Variants in TULP4 observed in about 807,000 individuals in gnomAD.
The protein encoded by TULP4 is tubby-related protein 4.
In TULP4, 16 loss-of-function variants were observed where a neutral mutation model predicts 129.0. That is an observed-to-expected ratio of 0.12 (90% CI 0.08 to 0.19). The LOEUF is 0.19. Ranked by LOEUF, TULP4 falls within the 10% of genes least tolerant of loss-of-function variation. TULP4 has a pLI of 1.00. For synonymous variants in TULP4, 998 were observed against 854.0 expected (o/e 1.17, Z -2.94); for missense variants, 1,842 against 2,059.1 (o/e 0.89, Z 2.04).
intron 2 of TULP4, among the ~76,000 whole-genome samples, chr6:158,422,711 G>C (rs1468416771): frequency 6.6e-6 from 1 of 152,250 alleles, no homozygotes; most frequent in East Asian, 1.9e-4. Flanking sequence ...TATATGCAGA[G>C]GCTGAAGGAG....
At chr6:158,339,423 C>T (rs1780126348) in intron 1 of TULP4, among the ~76,000 whole-genome samples, 1 of 152,156 alleles carries the variant, frequency 6.6e-6, no homozygotes. Context: ...CGTTCAAGAG[C>T]AGAGAACCGG....
Position 158,413,259 on chromosome 6 carries a change from C to G in TULP4, c.381+66C>G. The G allele has an allele frequency of 6.5e-7, 1 of 1,531,670 alleles. No individual in the cohort carries two copies. Among genetic ancestry groups the G allele is most frequent in the Non-Finnish European group, 8.8e-7 (1 of 1,131,860 alleles). 94.9% of individuals were successfully genotyped at this position (1,531,670 alleles called of 1,614,324 possible). On this transcript the variant is annotated intron_variant, in intron 2 of 13. Coordinates refer to ENST00000367097, the MANE Select transcript of TULP4 (RefSeq NM_020245.5). The surrounding 1 kb of genome is among the most constrained non-coding windows in gnomAD (Gnocchi z 4.9). Reference sequence around the variant, plus strand: ...GTAGAGGACTCCCAGACAGGCATTCCGGAGCCAGTGCGTTAGCACCACACA... The same window carrying G: ...GTAGAGGACTCCCAGACAGGCATTCGGGAGCCAGTGCGTTAGCACCACACA...
chr6:158,333,644 T>C (rs1446615130), intron 1 of TULP4, among the ~76,000 whole-genome samples: 1 of 152,024 alleles, frequency 6.6e-6, no homozygotes, highest in African/African-American at 2.4e-5. Context: ...TTCAATAATA[T>C]ATTGGAACAA....
rs78207082 is a variant in TULP4 at position 158,284,078 on chromosome 6, A to G, written n.116+1700A>G. 3.7e-3 allele frequency among the ~76,000 whole-genome samples: 558 copies of G among 152,334 alleles called. 1 individual carries two copies. Among genetic ancestry groups the G allele is most frequent in the Middle Eastern group, 0.017 (5 of 294 alleles). ...CAGCAAACATCCGTTAAAAGTCTTT[A>G]TCAAAAGAAAGTGAGAAAAATCCAT... On this transcript the variant is annotated intron_variant and non_coding_transcript_variant, in intron 1 of 1. Transcript: ENST00000432358.
chr6:158,268,015 T>G (rs112639938), intron 1 of TULP4, among the ~76,000 whole-genome samples: 4 of 135,952 alleles, frequency 2.9e-5, no homozygotes, highest in African/African-American at 1.0e-4. Flanking sequence ...TTCTTTTCTT[T>G]TCTTTTCTTT....
intron 8 of TULP4, among the ~76,000 whole-genome samples, chr6:158,484,930 G>T (rs536941186): frequency 6.6e-6 from 1 of 152,260 alleles, no homozygotes; most frequent in Non-Finnish European, 1.5e-5. Flanking sequence ...CCAGGAAATG[G>T]GTATTGCTGT....
intron 1 of TULP4, among the ~76,000 whole-genome samples, chr6:158,286,394 G>GT (rs1401594148): frequency 3.3e-5 from 5 of 152,144 alleles, no homozygotes; most frequent in Non-Finnish European, 5.9e-5. Context: ...AATTATTTCT[G>GT]TGTTTCTTCT....
chr6:158,349,076 G>A (rs1305988841), intron 1 of TULP4, among the ~76,000 whole-genome samples: 8 of 112,104 alleles, frequency 7.1e-5, no homozygotes, highest in Middle Eastern at 5.2e-3. Flanking sequence ...CCAGGCAGAG[G>A]CGCTCCTCAC....
At chr6:158,492,261 G>A (rs902750631) in intron 9 of TULP4, among the ~76,000 whole-genome samples, 1 of 152,154 alleles carries the variant, frequency 6.6e-6, no homozygotes, top group Admixed American at 6.5e-5. Context: ...TCTGTGTCCT[G>A]TTCGGGATGT....
At chr6:158,368,257 TG>T (rs1309300797) in intron 1 of TULP4, among the ~76,000 whole-genome samples, 3 of 152,166 alleles carry the variant, frequency 2.0e-5, no homozygotes, top group Non-Finnish European at 4.4e-5. Flanking sequence ...TTATCATTAA[TG>T]GTAAAATGAT....
In TULP4 at chr6:158,502,550, G is replaced by C. The variant is rs1411050625; in HGVS notation, c.2887G>C (p.Glu963Gln). The part of the protein sequence containing the change: ...IPTGDPPPYP[E>Q]IASQLAQGRG... ...CACCGGGGACCCACCCCCGTATCCT[G>C]AAATTGCCAGCCAGCTGGCCCAGGG... is the stretch of plus-strand genomic sequence containing the variant. The change falls in exon 13 of 14, where the codon GAA becomes CAA. Residue 963 changes from glutamate (E) to glutamine (Q), a missense_variant. Transcript: ENST00000367097. 12 of 1,608,310 alleles carry C rather than the reference G, an allele frequency of 7.5e-6. No individual in the cohort carries two copies. The highest frequency in any genetic ancestry group is 1.0e-5 in the Non-Finnish European group (12 of 1,179,928).
chr6:158,264,298 C>G (rs555440450), intron 1 of TULP4, among the ~76,000 whole-genome samples: 38 of 152,232 alleles, frequency 2.5e-4, no homozygotes, highest in African/African-American at 7.7e-4. Context: ...CTTAAATGAA[C>G]TTCAATTTGA....
intron 2 of TULP4, among the ~76,000 whole-genome samples, chr6:158,421,791 G>T (rs1778348716): frequency 6.6e-6 from 1 of 152,184 alleles, no homozygotes; most frequent in Non-Finnish European, 1.5e-5. Flanking sequence ...GTCTTGTAAT[G>T]TTACGCCAGA....
intron 1 of TULP4, among the ~76,000 whole-genome samples, chr6:158,365,027 G>A (rs779995822): frequency 1.3e-4 from 19 of 151,948 alleles, no homozygotes; most frequent in African/African-American, 3.1e-4. Flanking sequence ...GAGCCACCGC[G>A]CCCAGCCCCT....
At chr6:158,341,701 T>G (rs1283858788) in intron 1 of TULP4, among the ~76,000 whole-genome samples, 2 of 152,206 alleles carry the variant, frequency 1.3e-5, no homozygotes, top group Non-Finnish European at 2.9e-5. Context: ...GATGGCCATT[T>G]GTATGTCTTC....
intron 1 of TULP4, among the ~76,000 whole-genome samples, chr6:158,283,383 G>A (rs962764044): frequency 6.6e-6 from 1 of 152,202 alleles, no homozygotes; most frequent in Admixed American, 6.5e-5. Flanking sequence ...AGCCCCTGGT[G>A]GTAGTTCACT....
chr6:158,326,694 G>A (rs118085519), intron 1 of TULP4, among the ~76,000 whole-genome samples: 7 of 152,264 alleles, frequency 4.6e-5, no homozygotes, highest in Non-Finnish European at 7.4e-5. Context: ...CACATTTCCA[G>A]AGTTTTTAGA....
intron 5 of TULP4, among the ~76,000 whole-genome samples, chr6:158,457,621 A>T (rs1779321802): frequency 6.6e-6 from 1 of 152,166 alleles, no homozygotes; most frequent in Admixed American, 6.5e-5. Context: ...TTTTCTGCCC[A>T]AGCCAGTTCA....
At chr6:158,422,651 T>G (rs768087824) in intron 2 of TULP4, among the ~76,000 whole-genome samples, 3 of 151,922 alleles carry the variant, frequency 2.0e-5, no homozygotes, top group Non-Finnish European at 4.4e-5. Context: ...GAGAGGAGGC[T>G]CCAAAGCCGA....
Sources: allele counts gnomAD v4.1 joint callset (sites outside exome capture counted in the v4.1 genomes callset), GRCh38; gene constraint gnomAD v4.1.1; non-coding constraint Gnocchi (gnomAD v3.1); transcripts MANE v1.5; gene names NCBI Gene and HGNC (gene_info 2026-07-23, HGNC 2026-07-21).